The following LCLAT1 variants were observed in gnomAD, a reference collection of about 807,000 sequenced individuals.
The protein encoded by LCLAT1 is 1-AGP acyltransferase 8.
In LCLAT1, 11 loss-of-function variants were observed where a neutral mutation model predicts 30.7. The observed-to-expected ratio is 0.36, with a 90% confidence interval of 0.23 to 0.59. LCLAT1 has a LOEUF of 0.59. Among genes scored for constraint, LCLAT1 ranks in the 20% least tolerant of loss-of-function variants. The pLI is 0.77. For missense variants in LCLAT1, 402 were observed against 458.6 expected (o/e 0.88, Z 1.13); for synonymous variants, 155 against 151.3 (o/e 1.02, Z -0.18).
At chr2:30,450,235 A>C (rs921873990) in intron 1 of LCLAT1, among the ~76,000 whole-genome samples, 2 of 152,246 alleles carry the variant, frequency 1.3e-5, no homozygotes, top group Admixed American at 6.5e-5. Flanking sequence ...TTCTTCTGGG[A>C]TGGGCCTGGC....
At chr2:30,459,210 G>C (rs1681979259) in intron 1 of LCLAT1, among the ~76,000 whole-genome samples, 2 of 152,090 alleles carry the variant, frequency 1.3e-5, no homozygotes. Flanking sequence ...TTCTTGGGTT[G>C]GGATCTAGGC....
rs183296259 is a variant in LCLAT1, at chr2:30,469,635, G to A, written c.-5+22252G>A. Among the ~76,000 whole-genome samples, 121 of 144,346 alleles carry A rather than the reference G, an allele frequency of 8.4e-4. 1 individual carries two copies. The highest frequency in any genetic ancestry group is 3.0e-3 in the African/African-American group (113 of 37,602). 94.7% of individuals were successfully genotyped at this position (144,346 alleles called of 152,430 possible). On this transcript the variant is annotated intron_variant, in intron 1 of 5. Transcript: ENST00000379509. ...GCTCTGTCACCCAGGGTGGAGTGCA[G>A]TGGTGTGATCTGGACTCACTACAAC...
chr2:30,554,127 G>A (rs1199920182), intron 3 of LCLAT1, among the ~76,000 whole-genome samples: 1 of 152,190 alleles, frequency 6.6e-6, no homozygotes, highest in Non-Finnish European at 1.5e-5. Flanking sequence ...TAGAAGATAT[G>A]TAACAAAATA....
intron 4 of LCLAT1, among the ~76,000 whole-genome samples, chr2:30,566,448 T>C (rs1665488642): frequency 6.6e-6 from 1 of 152,166 alleles, no homozygotes; most frequent in East Asian, 1.9e-4. Context: ...CTACTCTTCA[T>C]GTGTAGGGCC....
intron 5 of LCLAT1, among the ~76,000 whole-genome samples, chr2:30,603,319 A>G (rs1415642625): frequency 6.6e-6 from 1 of 152,164 alleles, no homozygotes; most frequent in African/African-American, 2.4e-5. Flanking sequence ...CAATACAGTG[A>G]ACGAAAAAGA....
chr2:30,641,478 A>T lies in LCLAT1; in HGVS notation c.*859A>T, dbSNP rs1669302861. 6.6e-6 allele frequency: 1 copy of T among 152,210 alleles called. No homozygotes were observed. The highest frequency in any genetic ancestry group is 2.4e-5 in the African/African-American group (1 of 41,452). 9.4% of individuals were successfully genotyped at this position (152,210 alleles called of 1,614,324 possible). ...AACACTCAGAACATTCTGTCATTCC[A>T]GTCAGAAACTGTCTTTTGAAATATT... On this transcript the variant is annotated 3_prime_UTR_variant, in exon 6 of 6. Coordinates refer to ENST00000379509, the MANE Select transcript of LCLAT1 (RefSeq NM_001002257.3).
chr2:30,615,295 GA>G (rs529636901), intron 5 of LCLAT1, among the ~76,000 whole-genome samples: 1 of 151,974 alleles, frequency 6.6e-6, no homozygotes, highest in South Asian at 2.1e-4. Flanking sequence ...TCCTCCTTAT[GA>G]AAAAAAGAAG....
At chr2:30,613,441 G>A (rs949847534) in intron 5 of LCLAT1, among the ~76,000 whole-genome samples, 2 of 152,198 alleles carry the variant, frequency 1.3e-5, no homozygotes, top group Non-Finnish European at 2.9e-5. Context: ...GCAAAAAATG[G>A]CTGGATTCTA....
chr2:30,546,169 GT>G (rs1664400417), intron 3 of LCLAT1, among the ~76,000 whole-genome samples: 1 of 152,132 alleles, frequency 6.6e-6, no homozygotes, highest in Non-Finnish European at 1.5e-5. Context: ...TCCATTCTCA[GT>G]TTTTCAAGAC....
At chr2:30,448,878 A>C (rs1466678043) in intron 1 of LCLAT1, among the ~76,000 whole-genome samples, 1 of 152,234 alleles carries the variant, frequency 6.6e-6, no homozygotes, top group African/African-American at 2.4e-5. Flanking sequence ...TTCTTATTCA[A>C]ACAATCTCAT....
intron 5 of LCLAT1, among the ~76,000 whole-genome samples, chr2:30,608,976 A>G (rs1031438525): frequency 6.6e-6 from 1 of 152,144 alleles, no homozygotes; most frequent in Non-Finnish European, 1.5e-5. Flanking sequence ...AACACTTGGT[A>G]TTATCCAGCT....
At chr2:30,574,034 C>T (rs10201957) in intron 5 of LCLAT1, among the ~76,000 whole-genome samples, 35,956 of 151,806 alleles carry the variant, frequency 0.24, 4,769 homozygotes, top group Non-Finnish European at 0.3. Context: ...CCCAGATATT[C>T]GGGAGGCTGA....
chr2:30,610,605 ACT>A (rs2148504157), intron 5 of LCLAT1, among the ~76,000 whole-genome samples: 1 of 152,244 alleles, frequency 6.6e-6, no homozygotes, highest in African/African-American at 2.4e-5. Context: ...GTCTGATGTC[ACT>A]CTGCTAAATT....
chr2:30,447,974 C>G (rs1231868956), intron 1 of LCLAT1, among the ~76,000 whole-genome samples: 1 of 151,160 alleles, frequency 6.6e-6, no homozygotes, highest in Non-Finnish European at 1.5e-5. Context: ...GGGCGGATGC[C>G]AAACCTGATC....
In LCLAT1 at chr2:30,449,490, A is replaced by T. The variant is rs376056304; in HGVS notation, c.-5+2107A>T. 2.0e-5 allele frequency among the ~76,000 whole-genome samples: 3 copies of T among 151,064 alleles called. No individual in the cohort carries two copies. The East Asian group carries it at 5.8e-4, about 29-fold the overall frequency. On this transcript the variant is annotated intron_variant, in intron 1 of 5. Transcript: ENST00000379509. ...TAAAAAGTTATTTTGAAACAGAGTT[A>T]TGACTAATTTCTTTTTTTTTTTTTT...
chr2:30,454,609 C>T (rs924376541), intron 1 of LCLAT1, among the ~76,000 whole-genome samples: 6 of 148,560 alleles, frequency 4.0e-5, no homozygotes, highest in Non-Finnish European at 7.5e-5. Context: ...TGTGCCACCG[C>T]GTCTGGCTAA....
chr2:30,571,840 T>G (rs1299087582), intron 5 of LCLAT1, among the ~76,000 whole-genome samples: 6 of 152,246 alleles, frequency 3.9e-5, no homozygotes, highest in Admixed American at 3.3e-4. Context: ...GAATATTTTC[T>G]GAGACAATTT....
intron 1 of LCLAT1, among the ~76,000 whole-genome samples, chr2:30,521,438 A>G (rs1229698536): frequency 6.9e-6 from 1 of 145,432 alleles, no homozygotes; most frequent in Non-Finnish European, 1.5e-5. Context: ...CTTTGCTGTA[A>G]TGTGACCTAA....
At chr2:30,507,129 A>C (rs1233098534) in intron 1 of LCLAT1, among the ~76,000 whole-genome samples, 1 of 152,016 alleles carries the variant, frequency 6.6e-6, no homozygotes, top group Non-Finnish European at 1.5e-5. Context: ...GTTCACTTTA[A>C]TTTTATGTAT....
Sources: allele counts gnomAD v4.1 joint callset (sites outside exome capture counted in the v4.1 genomes callset), GRCh38; gene constraint gnomAD v4.1.1; transcripts MANE v1.5; gene names NCBI Gene and HGNC (gene_info 2026-07-23, HGNC 2026-07-21).